The following GPHN variants were observed in gnomAD, a reference collection of about 807,000 sequenced individuals.
GPHN encodes gephyrin.
Under a neutral mutation model 95.5 loss-of-function variants are expected in GPHN, and 17 were observed. That is an observed-to-expected ratio of 0.18 (90% CI 0.12 to 0.27). The LOEUF (loss-of-function observed/expected upper bound fraction) is 0.27, where lower values mean the gene tolerates loss of function less well. GPHN is among the 10% of genes least tolerant of loss of function. The pLI is 1.00. For missense variants in GPHN, 660 were observed against 978.1 expected, an observed-to-expected ratio of 0.67 and a Z score of 4.34; for synonymous variants, 320 against 322.5, an observed-to-expected ratio of 0.99 and a Z score of 0.08.
chr14:67,722,439 C>T, the GPHN span: 35 of 643,350 alleles, frequency 5.4e-5, 1 homozygote, highest in Admixed American at 8.3e-4. Flanking sequence ...CATCTCCCAG[C>T]AGGCTGTGCT....
At chr14:66,627,831 CTAATAATGGTG>C (rs1272674816) in intron 1 of GPHN, among the ~76,000 whole-genome samples, 1 of 152,066 alleles carries the variant, frequency 6.6e-6, no homozygotes, top group Non-Finnish European at 1.5e-5. Context: ...TCTGCTTTCA[CTAATAATGGTG>C]TGCTTCTAAT....
At chr14:67,725,127 T>G in the GPHN span, 1 of 1,614,166 alleles carries the variant, frequency 6.2e-7, no homozygotes, top group Non-Finnish European at 8.5e-7. Flanking sequence ...CCTGCAGAGA[T>G]GTACTGAAGG....
At chr14:67,142,642 C>T (rs1467357426) in intron 17 of GPHN, among the ~76,000 whole-genome samples, 3 of 152,158 alleles carry the variant, frequency 2.0e-5, no homozygotes, top group Admixed American at 6.5e-5. Context: ...ATTATGAATA[C>T]CTACTGGCTT....
At chr14:66,628,275 T>G (rs910427831) in intron 1 of GPHN, among the ~76,000 whole-genome samples, 5 of 152,140 alleles carry the variant, frequency 3.3e-5, no homozygotes, top group Non-Finnish European at 7.4e-5. Flanking sequence ...GTTAGGCAAT[T>G]TTGTCATTTA....
intron 2 of GPHN, among the ~76,000 whole-genome samples, chr14:66,707,503 T>C (rs1455320507): frequency 6.6e-6 from 1 of 152,210 alleles, no homozygotes; most frequent in African/African-American, 2.4e-5. Context: ...AATGCGATCA[T>C]GTCCTTTGAA....
chr14:66,927,840 T>C (rs2066566002), intron 8 of GPHN, among the ~76,000 whole-genome samples: 2 of 152,326 alleles, frequency 1.3e-5, no homozygotes, highest in South Asian at 4.1e-4. Flanking sequence ...TGTATCACAT[T>C]GATTGATTTG....
At chr14:67,045,659 C>G (rs1298140804) in intron 10 of GPHN, among the ~76,000 whole-genome samples, 4 of 151,320 alleles carry the variant, frequency 2.6e-5, no homozygotes, top group Non-Finnish European at 4.4e-5. Context: ...CTCTGTCTCT[C>G]TCTCTCTGTC....
chr14:67,726,117 C>G, the GPHN span: 42 of 1,613,854 alleles, frequency 2.6e-5, no homozygotes, highest in Non-Finnish European at 3.5e-5. Context: ...TCCAAGACAG[C>G]TGATGGCTTT....
chr14:66,511,716 T>C (rs151286699), intron 1 of GPHN, among the ~76,000 whole-genome samples: 1 of 152,182 alleles, frequency 6.6e-6, no homozygotes, highest in African/African-American at 2.4e-5. Context: ...ATTAGGTTTA[T>C]GAAAGAATAA....
At chr14:66,609,003 T>C (rs2062665980) in intron 1 of GPHN, among the ~76,000 whole-genome samples, 2 of 152,294 alleles carry the variant, frequency 1.3e-5, no homozygotes, top group South Asian at 4.1e-4. Context: ...CATTGATATG[T>C]GAAGTTTTGA....
intron 17 of GPHN, among the ~76,000 whole-genome samples, chr14:67,138,477 CTT>C (rs1342656919): frequency 6.6e-6 from 1 of 152,052 alleles, no homozygotes; most frequent in Non-Finnish European, 1.5e-5. Flanking sequence ...GATTATAACC[CTT>C]GTTACCTATT....
chr14:66,589,260 T>C (rs985630644), intron 1 of GPHN, among the ~76,000 whole-genome samples: 6 of 152,198 alleles, frequency 3.9e-5, no homozygotes, highest in African/African-American at 1.4e-4. Context: ...AAAAAACCGG[T>C]ACCAGCCACT....
Position 67,180,807 on chromosome 14 carries a change from A to G in GPHN, c.2180A>G (p.Asn727Ser), listed in dbSNP as rs1212416143. ...TAATAAGAGTATTTCTTTCTAGGTA[A>G]TCAAATGAGCAGCCGTCTGATGAGC... The part of the protein sequence containing the change: ...EPLPWAQSTG[N>S]QMSSRLMSMR... The change falls in exon 23 of 23, where the codon AAT becomes AGT. Residue 727 changes from asparagine (N) to serine (S), a missense_variant. Physicochemically the swap from Asn to Ser is conservative, Grantham distance 46. Coordinates refer to ENST00000478722, the MANE Select transcript of GPHN (RefSeq NM_020806.5). 1 of 1,613,446 alleles carries G rather than the reference A, an allele frequency of 6.2e-7. No homozygotes were observed. Among genetic ancestry groups the G allele is most frequent in the Non-Finnish European group, 8.5e-7 (1 of 1,179,742 alleles).
the GPHN span, among the ~76,000 whole-genome samples, chr14:67,479,226 T>G: frequency 2.0e-5 from 3 of 151,536 alleles, no homozygotes; most frequent in Admixed American, 2.0e-4. Flanking sequence ...GCCAACATGG[T>G]GAAACCCTGT....
At chr14:67,096,997 T>C (rs747863062) in intron 12 of GPHN, among the ~76,000 whole-genome samples, 24 of 152,184 alleles carry the variant, frequency 1.6e-4, no homozygotes, top group Non-Finnish European at 2.8e-4. Context: ...ATATTACTTA[T>C]TTGGTCATTC....
chr14:66,555,955 G>C (rs192227331), intron 1 of GPHN, among the ~76,000 whole-genome samples: 1 of 152,180 alleles, frequency 6.6e-6, no homozygotes, highest in Admixed American at 6.5e-5. Context: ...GAACATCATA[G>C]AATGTACTTA....
chr14:67,325,511 T>C, the GPHN span, among the ~76,000 whole-genome samples: 2 of 152,122 alleles, frequency 1.3e-5, no homozygotes, highest in Non-Finnish European at 1.5e-5. Context: ...ACAAAGGAAA[T>C]AGGCAGCATG....
intron 12 of GPHN, among the ~76,000 whole-genome samples, chr14:67,095,354 T>G (rs1161681595): frequency 3.3e-5 from 5 of 152,216 alleles, no homozygotes; most frequent in Non-Finnish European, 5.9e-5. Context: ...GTTCAACCAC[T>G]GTGGAAGTCA....
intron 22 of GPHN, 26 bp downstream of exon 22, chr14:67,179,700 T>C (rs1301593578): frequency 9.0e-7 from 1 of 1,108,640 alleles, no homozygotes; most frequent in Non-Finnish European, 1.4e-6. Flanking sequence ...CTACAGATAT[T>C]CCTAGACACC....
Sources: gnomAD v4.1 joint callset for allele counts (sites outside exome capture counted in the v4.1 genomes callset) on GRCh38, gnomAD v4.1.1 for gene constraint, MANE v1.5 for transcripts, NCBI Gene and HGNC (gene_info 2026-07-23, HGNC 2026-07-21) for gene names.